The following PRPF18 variants were observed in gnomAD, a reference collection of about 807,000 sequenced individuals.
PRPF18 encodes pre-mRNA-splicing factor 18.
PRPF18 carries 38 observed loss-of-function variants against 46.5 expected under a neutral mutation model. The ratio of observed to expected loss-of-function variants is 0.82; its 90% CI spans 0.63 to 1.07. The LOEUF (loss-of-function observed/expected upper bound fraction) is 1.07, where lower values mean the gene tolerates loss of function less well. PRPF18 is among the 50% of genes least tolerant of loss of function. The pLI is 0.00. For missense variants in PRPF18, 263 were observed against 410.0 expected (o/e 0.64, Z 3.10); for synonymous variants, 152 against 146.7 (o/e 1.04, Z -0.26).
intron 4 of PRPF18, among the ~76,000 whole-genome samples, chr10:13,609,263 A>G (rs2080237394): frequency 6.6e-6 from 1 of 152,218 alleles, no homozygotes; most frequent in Admixed American, 6.5e-5. Flanking sequence ...CTGAAATAAA[A>G]AATAGCATCC....
At chr10:13,641,552 C>T in the PRPF18 span, 4 of 152,174 alleles carry the variant, frequency 2.6e-5, no homozygotes, top group Non-Finnish European at 4.4e-5. Context: ...GGGAAGGAGT[C>T]TAAGGACTGA....
chr10:13,590,608 G>A (rs138223771), intron 1 of PRPF18, among the ~76,000 whole-genome samples: 1,950 of 142,106 alleles, frequency 0.014, 44 homozygotes, highest in African/African-American at 0.047. Flanking sequence ...GCGACAGAGC[G>A]AGACTCCATC....
chr10:13,603,797 C>T (rs2080148481), intron 3 of PRPF18, among the ~76,000 whole-genome samples: 1 of 152,120 alleles, frequency 6.6e-6, no homozygotes, highest in South Asian at 2.1e-4. Flanking sequence ...ATGTTTATGA[C>T]GGACATTGCA....
chr10:13,632,299 C>T (rs1186481051), downstream of PRPF18, among the ~76,000 whole-genome samples: 1 of 152,140 alleles, frequency 6.6e-6, no homozygotes, highest in East Asian at 1.9e-4. Context: ...CGAGATCGTG[C>T]CACTGCACTC....
chr10:13,588,650 CCTT>C (rs1229549238), intron 1 of PRPF18, among the ~76,000 whole-genome samples: 9 of 152,042 alleles, frequency 5.9e-5, no homozygotes, highest in African/African-American at 1.4e-4. Flanking sequence ...TATTCCTCCT[CCTT>C]CTCTCTTCTT....
At chr10:13,614,517 A>T (rs757488642) in intron 8 of PRPF18, among the ~76,000 whole-genome samples, 1 of 152,204 alleles carries the variant, frequency 6.6e-6, no homozygotes, top group South Asian at 2.1e-4. Context: ...TGTTGCACTG[A>T]TGGTACAGTG....
chr10:13,605,758 A>G lies in PRPF18; in HGVS notation c.363+14A>G. 3.1e-6 allele frequency: 5 copies of G among 1,602,522 alleles called. No individual in the cohort carries two copies. The highest frequency in any genetic ancestry group is 4.3e-6 in the Non-Finnish European group (5 of 1,176,406). Reference sequence around the variant, plus strand: ...GAAGTTAACAAGGTAAGAGGACAGAACAAAGCTAGAAAAATACCACTGTAC... The same window carrying G: ...GAAGTTAACAAGGTAAGAGGACAGAGCAAAGCTAGAAAAATACCACTGTAC... On this transcript the variant is annotated intron_variant, in intron 4 of 9. Coordinates refer to ENST00000378572, the MANE Select transcript of PRPF18 (RefSeq NM_003675.4).
At chr10:13,625,389 A>G (rs1301713447) in intron 9 of PRPF18, among the ~76,000 whole-genome samples, 1 of 152,242 alleles carries the variant, frequency 6.6e-6, no homozygotes, top group Non-Finnish European at 1.5e-5. Flanking sequence ...AAAGTTTGAG[A>G]ATCAAAATGA....
chr10:13,626,638 C>G (rs2080508879), intron 9 of PRPF18, among the ~76,000 whole-genome samples: 1 of 152,110 alleles, frequency 6.6e-6, no homozygotes, highest in South Asian at 2.1e-4. Flanking sequence ...TCACTAATAT[C>G]TGGTGGAAAA....
chr10:13,634,083 G>A (rs186514952), downstream of PRPF18, among the ~76,000 whole-genome samples: 1 of 152,324 alleles, frequency 6.6e-6, no homozygotes. Flanking sequence ...CAGCCGCGCA[G>A]CTATGGTGTG....
chr10:13,627,098 C>T (rs996900607), intron 9 of PRPF18, among the ~76,000 whole-genome samples: 5 of 152,184 alleles, frequency 3.3e-5, no homozygotes, highest in Admixed American at 1.3e-4. Context: ...ACAGTCAGAT[C>T]GTGTTGCTCT....
intron 8 of PRPF18, among the ~76,000 whole-genome samples, chr10:13,615,286 C>T (rs905275116): frequency 6.6e-6 from 1 of 152,146 alleles, no homozygotes; most frequent in Non-Finnish European, 1.5e-5. Flanking sequence ...AGTGCAAGTG[C>T]AAGCTTATTT....
chr10:13,654,438 G>A, the PRPF18 span: 1 of 1,611,680 alleles, frequency 6.2e-7, no homozygotes, highest in Non-Finnish European at 8.5e-7. Context: ...GTTAGGATGT[G>A]GTGGGGGCTG....
In PRPF18 at chr10:13,600,339, T is replaced by C; in HGVS notation, c.240T>C (p.Ser80=). ...AGGAAAAATTACCTATGACGCTTTC[T>C]AGGCAAGAGGTAAGTTTATTTGTGA... ...LAEEKLPMTL[S]RQEVIRRLRE... is the part of the protein sequence containing the mutation. Residue 80 remains serine (S), a synonymous_variant, in exon 3 of 10, where the codon TCT becomes TCC. Transcript: ENST00000378572. 6.2e-7 allele frequency: 1 copy of C among 1,606,916 alleles called. No individual in the cohort carries two copies. The highest frequency in any genetic ancestry group is 1.1e-5 in the South Asian group (1 of 90,640).
chr10:13,610,511 T>A (rs2080255185), intron 5 of PRPF18, among the ~76,000 whole-genome samples: 2 of 152,202 alleles, frequency 1.3e-5, no homozygotes, highest in Admixed American at 1.3e-4. Flanking sequence ...TTATTCCGTG[T>A]TTTACTTTTC....
chr10:13,606,998 G>A (rs1412073163), intron 4 of PRPF18, among the ~76,000 whole-genome samples: 2 of 152,060 alleles, frequency 1.3e-5, no homozygotes, highest in Non-Finnish European at 2.9e-5. Context: ...AGCTCTTTGC[G>A]GCTTTAATCA....
At chr10:13,607,248 A>G (rs555795726) in intron 4 of PRPF18, among the ~76,000 whole-genome samples, 1 of 151,898 alleles carries the variant, frequency 6.6e-6, no homozygotes, top group East Asian at 1.9e-4. Context: ...CTTTTTGTTC[A>G]TTTTAAAAAT....
At chr10:13,609,095 T>A (rs2080234130) in intron 4 of PRPF18, among the ~76,000 whole-genome samples, 1 of 152,242 alleles carries the variant, frequency 6.6e-6, no homozygotes, top group Non-Finnish European at 1.5e-5. Flanking sequence ...GAGACAATGA[T>A]CAGATGCTTT....
chr10:13,604,824 G>A (rs926261303), intron 3 of PRPF18, among the ~76,000 whole-genome samples: 3 of 152,168 alleles, frequency 2.0e-5, no homozygotes, highest in Non-Finnish European at 4.4e-5. Context: ...ACAAGTGTTT[G>A]ATCACCAAAA....
Sources: allele counts gnomAD v4.1 joint callset (sites outside exome capture counted in the v4.1 genomes callset), GRCh38; gene constraint gnomAD v4.1.1; transcripts MANE v1.5; gene names NCBI Gene and HGNC (gene_info 2026-07-23, HGNC 2026-07-21).